ETS1: variants seen among roughly 807,000 people sequenced by gnomAD.
The protein encoded by ETS1 is ETS proto-oncogene 1, transcription factor.
A neutral mutation model predicts 58.6 loss-of-function variants in ETS1; 15 were observed. That is an observed-to-expected ratio of 0.26 (90% CI 0.17 to 0.39). The LOEUF (loss-of-function observed/expected upper bound fraction) is 0.39, where lower values mean the gene tolerates loss of function less well. Ranked by LOEUF, ETS1 falls within the 10% of genes least tolerant of loss-of-function variation. The pLI, the probability that ETS1 is intolerant of heterozygous loss-of-function variation, is 1.00. For missense variants in ETS1, 417 were observed against 610.5 expected (o/e 0.68, Z 3.34); for synonymous variants, 214 against 218.2 (o/e 0.98, Z 0.17).
At chr11:128,582,591 T>C (rs1430830097) in intron 1 of ETS1, among the ~76,000 whole-genome samples, 4 of 152,184 alleles carry the variant, frequency 2.6e-5, no homozygotes, top group Non-Finnish European at 5.9e-5. Context: ...ATCTCTCATC[T>C]CTTTTTCTAA....
chr11:128,536,285 C>T (rs1013250121), intron 3 of ETS1: 13 of 152,010 alleles, frequency 8.6e-5, no homozygotes, highest in African/African-American at 1.5e-4. Context: ...TTGTCAAGGA[C>T]AGACCAAGTA....
intron 3 of ETS1, among the ~76,000 whole-genome samples, chr11:128,512,607 G>A (rs950030211): frequency 2.0e-5 from 3 of 152,228 alleles, no homozygotes; most frequent in African/African-American, 7.2e-5. Context: ...TTTCTTGTCC[G>A]GCTCCAACTC....
Position 128,584,981 on chromosome 11 carries a change from A to AG in ETS1, c.-15+2506dup, listed in dbSNP as rs1324184887. Among the ~76,000 whole-genome samples the AG allele has an allele frequency of 1.3e-3, 83 of 62,100 alleles. 2 individuals are homozygous for AG. The highest frequency in any genetic ancestry group is 2.8e-3 in the African/African-American group (36 of 12,674). The allele number at this position is 62,100 out of a possible 152,430, so 40.7% of individuals were successfully genotyped here. Reference sequence around the variant, plus strand: ...AAGAAAGAAAGAAAGAAAGAAAGAAAGAAAGAAAGGAAGGAAGGAAGGAAA... The same window carrying AG: ...AAGAAAGAAAGAAAGAAAGAAAGAAAGGAAAGAAAGGAAGGAAGGAAGGAAA... On this transcript the variant is annotated intron_variant, in intron 1 of 9. Coordinates refer to ENST00000392668, the MANE Select transcript of ETS1 (RefSeq NM_001143820.2).
intron 8 of ETS1, among the ~76,000 whole-genome samples, chr11:128,469,577 C>A (rs1265615154): frequency 6.6e-6 from 1 of 152,188 alleles, no homozygotes; most frequent in Non-Finnish European, 1.5e-5. Context: ...ACAAAGGCCC[C>A]TAAATCTCCT....
At chr11:128,530,370 T>C (rs919256955) in intron 3 of ETS1, 1 of 151,874 alleles carries the variant, frequency 6.6e-6, no homozygotes, top group Non-Finnish European at 1.5e-5. Context: ...GTTGAGTTGG[T>C]GAAAAGAAGA....
intron 3 of ETS1, among the ~76,000 whole-genome samples, chr11:128,530,757 A>G (rs560136251): frequency 9.2e-5 from 14 of 152,198 alleles, no homozygotes; most frequent in African/African-American, 3.1e-4. Context: ...CCAAGAGAGA[A>G]CCCTTTCCAG....
At chr11:128,496,012 G>A (rs1862929482) in intron 3 of ETS1, among the ~76,000 whole-genome samples, 1 of 152,028 alleles carries the variant, frequency 6.6e-6, no homozygotes, top group Non-Finnish European at 1.5e-5. Flanking sequence ...CACACACGCA[G>A]AAGAATTATA....
Position 128,525,619 on chromosome 11 carries a change from GAAA to G in ETS1, c.214+30669_214+30671del, listed in dbSNP as rs10554000. Among the ~76,000 whole-genome samples the G allele has an allele frequency of 2.0e-3, 153 of 75,826 alleles. No homozygotes were observed. The South Asian group carries it at 0.023, about 12-fold the overall frequency. The allele number at this position is 75,826 out of a possible 152,430, so 49.7% of individuals were successfully genotyped here. A position where few individuals can be genotyped will look rare whatever the true frequency, so the allele number is the denominator to read the frequency against. Reference sequence around the variant, plus strand: ...TTTACTGGTATAAATGTAAGATTTAGAAAAAAAAAAAAAAAAAAAAAAGCCCTC... The same window carrying G: ...TTTACTGGTATAAATGTAAGATTTAGAAAAAAAAAAAAAAAAAAAGCCCTC... On this transcript the variant is annotated intron_variant, in intron 3 of 9. Transcript: ENST00000392668.
At position 128,585,048 on chromosome 11, in the gene ETS1, GAAAGAAAGAAAGAAAGAAAGAAAGAAAGA is replaced by G. The variant is rs1565421215; in HGVS notation, c.-15+2411_-15+2439del. Among the ~76,000 whole-genome samples, 22 of 19,530 alleles carry G rather than the reference GAAAGAAAGAAAGAAAGAAAGAAAGAAAGA, an allele frequency of 1.1e-3. 2 individuals carry two copies. The highest frequency in any genetic ancestry group is 8.8e-3 in the African/African-American group (18 of 2,050). 12.8% of individuals were successfully genotyped at this position (19,530 alleles called of 152,430 possible). ...GAAAGAAAGAAAAGAAAGAAAGAAA[GAAAGAAAGAAAGAAAGAAAGAAAGAAAGA>G]GAAAGAAAGAAAGGAAAGAAAGAAA... On this transcript the variant is annotated intron_variant, in intron 1 of 9. Transcript: ENST00000392668.
intron 3 of ETS1, among the ~76,000 whole-genome samples, chr11:128,496,170 C>T (rs1862936074): frequency 6.6e-6 from 1 of 152,058 alleles, no homozygotes; most frequent in Non-Finnish European, 1.5e-5. Flanking sequence ...AAGTTACTTT[C>T]TCTCATGCTT....
intron 2 of ETS1, among the ~76,000 whole-genome samples, chr11:128,557,995 A>G (rs530977036): frequency 6.9e-4 from 105 of 152,356 alleles, no homozygotes; most frequent in Non-Finnish European, 1.2e-3. Context: ...AGAAGAGAAT[A>G]TATTGACACA....
intron 5 of ETS1, among the ~76,000 whole-genome samples, 180 bp from the exon 6 acceptor site, chr11:128,486,326 CA>C (rs1203524482): frequency 1.3e-5 from 2 of 151,810 alleles, no homozygotes; most frequent in East Asian, 3.8e-4. Context: ...AAGATGAGAT[CA>C]AAAAAATATG....
chr11:128,569,077 G>T (rs1271641875), intron 2 of ETS1, among the ~76,000 whole-genome samples: 1 of 152,178 alleles, frequency 6.6e-6, no homozygotes, highest in Non-Finnish European at 1.5e-5. Flanking sequence ...AGCACTATCA[G>T]AATTTGGGGA....
At chr11:128,492,303 C>T (rs1240241599) in intron 3 of ETS1, among the ~76,000 whole-genome samples, 1 of 152,178 alleles carries the variant, frequency 6.6e-6, no homozygotes, top group Admixed American at 6.5e-5. Context: ...AAGAAAGGAG[C>T]AAATATATTG....
chr11:128,582,232 C>T (rs937836850), intron 1 of ETS1, among the ~76,000 whole-genome samples: 6 of 152,128 alleles, frequency 3.9e-5, no homozygotes, highest in Non-Finnish European at 8.8e-5. Context: ...TATGGGTGAA[C>T]GTAGAACTGC....
chr11:128,537,088 A>T (rs1863982494), intron 3 of ETS1, among the ~76,000 whole-genome samples: 1 of 152,166 alleles, frequency 6.6e-6, no homozygotes, highest in Non-Finnish European at 1.5e-5. Flanking sequence ...TGTTTTGCAC[A>T]ACTTTGATCC....
chr11:128,551,395 G>A (rs543378074), intron 3 of ETS1, among the ~76,000 whole-genome samples: 1 of 152,204 alleles, frequency 6.6e-6, no homozygotes, highest in East Asian at 1.9e-4. Context: ...AGCCCCAGGA[G>A]GGACTATGAA....
In ETS1 at chr11:128,486,048, G is replaced by A. The variant is rs756619865; in HGVS notation, c.613+21C>T. The A allele has an allele frequency of 3.3e-6, 5 of 1,506,056 alleles. No individual in the cohort carries two copies. In the South Asian group the frequency reaches 5.6e-5, roughly 17 times the overall value. 93.3% of individuals were successfully genotyped at this position (1,506,056 alleles called of 1,614,324 possible). On this transcript the variant is annotated intron_variant, in intron 6 of 9. Coordinates refer to ENST00000392668, the MANE Select transcript of ETS1 (RefSeq NM_001143820.2). Reference sequence around the variant, plus strand: ...CTAGTTTGCTATTATCATGAGAGAAGAGGGGTAGAAATGAACTTACTAATG... The same window carrying A: ...CTAGTTTGCTATTATCATGAGAGAAAAGGGGTAGAAATGAACTTACTAATG...
At chr11:128,517,514 T>C (rs1182546994) in intron 3 of ETS1, among the ~76,000 whole-genome samples, 1 of 152,316 alleles carries the variant, frequency 6.6e-6, no homozygotes, top group African/African-American at 2.4e-5. Flanking sequence ...CAGCACACAA[T>C]GCAGGCTCGA....
Sources: allele counts gnomAD v4.1 joint callset (sites outside exome capture counted in the v4.1 genomes callset), GRCh38; gene constraint gnomAD v4.1.1; transcripts MANE v1.5; gene names NCBI Gene and HGNC (gene_info 2026-07-23, HGNC 2026-07-21).